ADGRV1: variants seen among roughly 807,000 people sequenced by gnomAD.
ADGRV1 encodes G-protein coupled receptor 98.
Under a neutral mutation model 596.2 loss-of-function variants are expected in ADGRV1, and 359 were observed. That is an observed-to-expected ratio of 0.60 (90% CI 0.55 to 0.66). The LOEUF (loss-of-function observed/expected upper bound fraction) is 0.66. Among genes scored for constraint, ADGRV1 ranks in the 30% least tolerant of loss-of-function variants. ADGRV1 has a pLI of 0.00. For synonymous variants in ADGRV1, 2,681 were observed against 2,679.2 expected (o/e 1.00, Z -0.02); for missense variants, 7,274 against 7,575.6 (o/e 0.96, Z 1.48).
rs575723402 is a variant in ADGRV1, at chr5:90,596,749, A to G, written c.23-18086A>G. Among the ~76,000 whole-genome samples the G allele has an allele frequency of 1.6e-3, 239 of 152,306 alleles. 3 individuals are homozygous for G. Among genetic ancestry groups the G allele is most frequent in the Admixed American group, 0.012 (176 of 15,298 alleles). On this transcript the variant is annotated intron_variant, in intron 1 of 89. Coordinates refer to ENST00000405460, the MANE Select transcript of ADGRV1 (RefSeq NM_032119.4). ...AGCCGAGATGGCAGCAGTACAGTCC[A>G]GCTTCCGCTCGGCATCAGAGGGTGA... is the stretch of plus-strand genomic sequence containing the variant.
rs760156186 is a variant in ADGRV1, at chr5:90,694,230, C to G, written c.7474C>G (p.Leu2492Val). ...YRKNMTRVAS[L>V]FSGQAVAGSD... ...GAAAAACATGACCAGGGTAGCATCT[C>G]TTTTTAGTGGTCAGGCTGTGGCTGG... Residue 2492 changes from leucine (L) to valine (V), a missense_variant, in exon 33 of 90, where the codon CTT becomes GTT. Around this residue, in one of 5 missense-constraint regions of ADGRV1, gnomAD observed 3,643 missense variants for 3,809.2 expected, o/e 0.96. Coordinates refer to ENST00000405460, the MANE Select transcript of ADGRV1 (RefSeq NM_032119.4). 1.9e-6 allele frequency: 3 copies of G among 1,613,898 alleles called. No individual in the cohort carries two copies. Among genetic ancestry groups the G allele is most frequent in the Non-Finnish European group, 2.5e-6 (3 of 1,179,844 alleles).
At chr5:90,753,283 G>A (rs539606476) in intron 53 of ADGRV1, among the ~76,000 whole-genome samples, 1 of 152,210 alleles carries the variant, frequency 6.6e-6, no homozygotes, top group South Asian at 2.1e-4. Flanking sequence ...TAGATTCCCA[G>A]AGAGACTGTA....
intron 83 of ADGRV1, among the ~76,000 whole-genome samples, chr5:90,952,405 C>A (rs1777130051): frequency 6.6e-6 from 1 of 152,108 alleles, no homozygotes. Flanking sequence ...ATCTTTATTT[C>A]TACTTGCTGT....
intron 1 of ADGRV1, among the ~76,000 whole-genome samples, chr5:90,589,405 A>G (rs1759187861): frequency 6.6e-6 from 1 of 152,182 alleles, no homozygotes; most frequent in Non-Finnish European, 1.5e-5. Context: ...TCACAGAAGG[A>G]TGTGAAATAC....
chr5:90,613,997 G>A (rs1248857641), intron 1 of ADGRV1, among the ~76,000 whole-genome samples: 1 of 151,982 alleles, frequency 6.6e-6, no homozygotes, highest in Non-Finnish European at 1.5e-5. Context: ...TTAATGATCC[G>A]TGAGGGAAAT....
chr5:90,683,564 TTTAATA>T lies in ADGRV1; in HGVS notation c.5665-17_5665-12del. On this transcript the variant is annotated splice_polypyrimidine_tract_variant and intron_variant, in intron 27 of 89. Transcript: ENST00000405460. The stretch of plus-strand genomic sequence containing the variant: ...GGCTTTAATCTCTCTTTTAATAGAT[TTTAATA>T]TTAAGTATTTTGTAGGTTATAAGAC... 6.5e-7 allele frequency: 1 copy of T among 1,529,930 alleles called. No homozygotes were observed. The highest frequency in any genetic ancestry group is 8.8e-7 in the Non-Finnish European group (1 of 1,130,430). 94.8% of individuals were successfully genotyped at this position (1,529,930 alleles called of 1,614,324 possible).
intron 11 of ADGRV1, among the ~76,000 whole-genome samples, chr5:90,639,981 A>G (rs1002753155): frequency 2.6e-5 from 4 of 152,216 alleles, no homozygotes; most frequent in African/African-American, 9.6e-5. Flanking sequence ...TCAACTCAAT[A>G]TAGACAAAAG....
intron 85 of ADGRV1, among the ~76,000 whole-genome samples, chr5:91,017,628 A>G (rs1783280742): frequency 6.6e-6 from 1 of 151,970 alleles, no homozygotes; most frequent in Non-Finnish European, 1.5e-5. Flanking sequence ...AGATGTAGAC[A>G]TGTCACCAGT....
rs1252112915 is a variant in ADGRV1, at chr5:90,675,341, G to A, written c.5209G>A (p.Gly1737Arg). 1.2e-6 allele frequency: 2 copies of A among 1,613,908 alleles called. No individual in the cohort carries two copies. Among genetic ancestry groups the A allele is most frequent in the African/African-American group, 1.3e-5 (1 of 75,058 alleles). The stretch of plus-strand genomic sequence containing the variant: ...ACATATCACTGTGGAGGAGGAAGAT[G>A]GAGAAATCAGGTTATTGGTCATCCG... ...VPHITVEEED[G>R]EIRLLVIRAQ... Residue 1737 changes from glycine to arginine, a missense_variant, in exon 24 of 90, where the codon GGA becomes AGA. Gly to Arg is a moderately radical substitution (Grantham distance 125). This residue lies in a region of ADGRV1 where 3,643 missense variants were observed against 3,809.2 expected (regional missense o/e 0.96). Coordinates refer to ENST00000405460, the MANE Select transcript of ADGRV1 (RefSeq NM_032119.4).
At chr5:90,987,348 T>C (rs1024913276) in intron 85 of ADGRV1, among the ~76,000 whole-genome samples, 1 of 151,170 alleles carries the variant, frequency 6.6e-6, no homozygotes, top group Non-Finnish European at 1.5e-5. Flanking sequence ...CGCATGCCTG[T>C]AGTCTCAGCT....
At chr5:90,613,564 G>T (rs1762972116) in intron 1 of ADGRV1, among the ~76,000 whole-genome samples, 1 of 152,088 alleles carries the variant, frequency 6.6e-6, no homozygotes, top group South Asian at 2.1e-4. Flanking sequence ...TCTTCTGGCA[G>T]GTTTGCCTGG....
chr5:90,772,927 G>A (rs756003515), intron 59 of ADGRV1, among the ~76,000 whole-genome samples: 3 of 152,288 alleles, frequency 2.0e-5, no homozygotes, highest in Non-Finnish European at 1.5e-5. Flanking sequence ...AGCATTTTGG[G>A]AAGCCAGAGC....
At chr5:90,881,457 G>A (rs1270959765) in intron 83 of ADGRV1, among the ~76,000 whole-genome samples, 2 of 152,002 alleles carry the variant, frequency 1.3e-5, no homozygotes, top group African/African-American at 2.4e-5. Context: ...CATTTAATAG[G>A]ATTTTCTGAT....
chr5:90,608,828 T>C (rs940458619), intron 1 of ADGRV1, among the ~76,000 whole-genome samples: 9 of 151,962 alleles, frequency 5.9e-5, no homozygotes, highest in African/African-American at 2.2e-4. Context: ...TTGCCCATCA[T>C]GTGTAGAGGG....
chr5:90,696,597 T>C (rs984386711), intron 33 of ADGRV1, among the ~76,000 whole-genome samples: 5 of 152,078 alleles, frequency 3.3e-5, no homozygotes, highest in Admixed American at 1.3e-4. Context: ...AAACAGGATA[T>C]CTTTGGAGCT....
chr5:90,558,930 T>C lies in ADGRV1; in HGVS notation c.22+13T>C, dbSNP rs1754421279. 4 of 1,554,004 alleles carry C rather than the reference T, an allele frequency of 2.6e-6. No homozygotes were observed. The highest frequency in any genetic ancestry group is 3.5e-6 in the Non-Finnish European group (4 of 1,148,398). ...TTCCTGGGGCCAGGTAGGCTATGGC[T>C]GAGGGGTGGTGCTGCGAGCATCGCT... On this transcript the variant is annotated intron_variant, in intron 1 of 89. Transcript: ENST00000405460.
rs1162418465 is a variant in ADGRV1, at chr5:90,627,780, T to A, written c.1238+4T>A. The A allele has an allele frequency of 6.9e-7, 1 of 1,451,118 alleles. No individual in the cohort carries two copies. The highest frequency in any genetic ancestry group is 2.4e-5 in the Admixed American group (1 of 41,738). The allele number at this position is 1,451,118 out of a possible 1,614,324, so 89.9% of individuals were successfully genotyped here. On this transcript the variant is annotated splice_donor_region_variant and intron_variant, in intron 7 of 89. Transcript: ENST00000405460. ...TTGATGAAGATAGAATATCAAGGTA[T>A]GATTTATTTTAAATATATTGCTACC...
intron 87 of ADGRV1, among the ~76,000 whole-genome samples, chr5:91,138,388 C>T (rs1025337679): frequency 3.9e-4 from 59 of 152,040 alleles, no homozygotes; most frequent in African/African-American, 1.4e-3. Context: ...GCAATAAATA[C>T]GAACTTGGTT....
At chr5:91,149,999 C>A (rs747856745) in intron 87 of ADGRV1, 31 bp from the exon 88 acceptor site, 1 of 1,388,620 alleles carries the variant, frequency 7.2e-7, no homozygotes, top group Non-Finnish European at 9.4e-7. Flanking sequence ...TTTTCTTTTT[C>A]TTTTCTTTTC....
Sources: allele counts gnomAD v4.1 joint callset (sites outside exome capture counted in the v4.1 genomes callset), GRCh38; gene constraint gnomAD v4.1.1; regional missense constraint gnomAD v4.1.1; transcripts MANE v1.5; gene names NCBI Gene and HGNC (gene_info 2026-07-23, HGNC 2026-07-21).